CASZ1: variants seen among roughly 807,000 people sequenced by gnomAD.
The protein encoded by CASZ1 is zinc finger protein castor homolog 1.
In CASZ1, 28 loss-of-function variants were observed where a neutral mutation model predicts 135.2. The ratio of observed to expected loss-of-function variants is 0.21; its 90% CI spans 0.15 to 0.28. CASZ1 has a LOEUF of 0.28. Among genes scored for constraint, CASZ1 ranks in the 10% least tolerant of loss-of-function variants. The probability of loss-of-function intolerance (pLI) is 1.00; values close to 1 mark genes in which losing one functional copy is unlikely to be tolerated. For synonymous variants in CASZ1, 1,068 were observed against 1,073.4 expected (o/e 0.99, Z 0.10); for missense variants, 2,161 against 2,453.3 (o/e 0.88, Z 2.52).
In CASZ1 at chr1:10,794,281, C is replaced by T. The variant is rs1005674611; in HGVS notation, c.-234+2283G>A. Among the ~76,000 whole-genome samples, 6 of 152,144 alleles carry T rather than the reference C, an allele frequency of 3.9e-5. No individual in the cohort carries two copies. Among genetic ancestry groups the T allele is most frequent in the Non-Finnish European group, 8.8e-5 (6 of 68,018 alleles). On this transcript the variant is annotated intron_variant, in intron 1 of 20. Transcript: ENST00000377022. The surrounding 1 kb of genome is among the most constrained non-coding windows in gnomAD (Gnocchi z 5.6). ...GTTTTCCAGTCCCCTCGTGCGCTCT[C>T]ACCGCGCGCCTGTACCAGCTCGGAG...
At chr1:10,734,793 A>C (rs1275961097) in intron 2 of CASZ1, among the ~76,000 whole-genome samples, 1 of 152,194 alleles carries the variant, frequency 6.6e-6, no homozygotes, top group Non-Finnish European at 1.5e-5. Flanking sequence ...TTGGGGGTGG[A>C]AGGTGTATGG....
rs1178431805 is a variant in CASZ1 at position 10,650,928 on chromosome 1, G to A, written c.2816+13C>T. The stretch of plus-strand genomic sequence containing the variant: ...GTTCCCGGGGCTGGCTCCCATAGGG[G>A]GCCTCGCCTCACCTGGGCTCCTTCA... On this transcript the variant is annotated intron_variant, in intron 12 of 20. Coordinates refer to ENST00000377022, the MANE Select transcript of CASZ1 (RefSeq NM_001079843.3). 3.7e-6 allele frequency: 6 copies of A among 1,606,342 alleles called. No homozygotes were observed. The highest frequency in any genetic ancestry group is 5.1e-6 in the Non-Finnish European group (6 of 1,178,180).
intron 4 of CASZ1, among the ~76,000 whole-genome samples, chr1:10,680,913 T>G (rs940889899): frequency 6.6e-6 from 1 of 152,186 alleles, no homozygotes; most frequent in Non-Finnish European, 1.5e-5. Flanking sequence ...TTCTTTCTTT[T>G]TTTTGGAGAC....
In CASZ1 at chr1:10,756,890, C is replaced by T. The variant is rs1353778713; in HGVS notation, c.-77+3811G>A. ...TGGAAAAAGGTGTGCAGAAGCTCAG[C>T]CCTTGAGCGCACAGATCACATTCAA... On this transcript the variant is annotated intron_variant, in intron 2 of 20. Coordinates refer to ENST00000377022, the MANE Select transcript of CASZ1 (RefSeq NM_001079843.3). The surrounding 1 kb of genome is among the most constrained non-coding windows in gnomAD (Gnocchi z 5.9). Among the ~76,000 whole-genome samples, 1 of 152,170 alleles carries T rather than the reference C, an allele frequency of 6.6e-6. No homozygotes were observed. Among genetic ancestry groups the T allele is most frequent in the Non-Finnish European group, 1.5e-5 (1 of 68,030 alleles).
chr1:10,639,194 C>G lies in CASZ1; in HGVS notation c.5028G>C (p.Glu1676Asp). 4 of 976,400 alleles carry G rather than the reference C, an allele frequency of 4.1e-6. No individual in the cohort carries two copies. Among genetic ancestry groups the G allele is most frequent in the Non-Finnish European group, 5.0e-6 (4 of 806,476 alleles). 60.5% of individuals were successfully genotyped at this position (976,400 alleles called of 1,614,324 possible). A position where few individuals can be genotyped will look rare whatever the true frequency, so the allele number is the denominator to read the frequency against. The change falls in exon 21 of 21, where the codon GAG becomes GAC. Residue 1676 changes from glutamate to aspartate, a missense_variant. Transcript: ENST00000377022. The surrounding 1 kb of genome is among the most constrained non-coding windows in gnomAD (Gnocchi z 4.0). ...AAAAAGESSQ[E>D]DEEEELELPE... ...GCAGCTCCAGCTCCTCCTCCTCGTC[C>G]TCCTGCGAGGACTCCCCAGCTGCGG...
intron 9 of CASZ1, among the ~76,000 whole-genome samples, chr1:10,654,929 A>C (rs1219099699): frequency 1.3e-5 from 2 of 152,006 alleles, no homozygotes; most frequent in Non-Finnish European, 2.9e-5. Flanking sequence ...CCATGGCCCT[A>C]CCTCTAAAAC....
intron 1 of CASZ1, among the ~76,000 whole-genome samples, chr1:10,761,522 T>G (rs540005480): frequency 5.2e-4 from 79 of 152,262 alleles, no homozygotes; most frequent in African/African-American, 1.8e-3. Flanking sequence ...CTGCTGAGAT[T>G]CAGTTGCGAT....
intron 3 of CASZ1, among the ~76,000 whole-genome samples, chr1:10,696,639 C>T (rs1172564412): frequency 6.6e-6 from 1 of 152,246 alleles, no homozygotes; most frequent in Non-Finnish European, 1.5e-5. Context: ...AATTCTGAGC[C>T]TCTGCTCTCC....
At chr1:10,649,237 G>T (rs374998789) in intron 14 of CASZ1, 45 bp from the exon 15 acceptor site, 40 of 1,608,914 alleles carry the variant, frequency 2.5e-5, no homozygotes, top group Non-Finnish European at 3.1e-5. Context: ...GGGCTCCAGG[G>T]CGGGTGCGGG....
chr1:10,670,651 A>G (rs758644196), intron 4 of CASZ1, among the ~76,000 whole-genome samples: 15 of 152,216 alleles, frequency 9.9e-5, no homozygotes, highest in Non-Finnish European at 1.8e-4. Flanking sequence ...AGACTTGGGA[A>G]TGAACACTTC....
chr1:10,681,092 G>A (rs571907290), intron 4 of CASZ1, among the ~76,000 whole-genome samples: 1 of 152,148 alleles, frequency 6.6e-6, no homozygotes, highest in Non-Finnish European at 1.5e-5. Flanking sequence ...GTAGAGACGG[G>A]GTTTCGCCAT....
rs1638344566 is a variant in CASZ1 at position 10,679,509 on chromosome 1, C to T, written c.17-13938G>A. On this transcript the variant is annotated intron_variant, in intron 4 of 20. Transcript: ENST00000377022. The surrounding 1 kb of genome is among the most constrained non-coding windows in gnomAD (Gnocchi z 4.7). ...GGTGCTACCAAGCAATGTAGCAGCC[C>T]CCACATACTCTGGCATTCTCCTAGG... is the stretch of plus-strand genomic sequence containing the variant. Among the ~76,000 whole-genome samples, 5 of 152,156 alleles carry T rather than the reference C, an allele frequency of 3.3e-5. No individual in the cohort carries two copies. In the South Asian group the frequency reaches 1.0e-3, roughly 32 times the overall value.
chr1:10,656,303 G>A (rs1341993089), intron 8 of CASZ1, among the ~76,000 whole-genome samples: 1 of 152,228 alleles, frequency 6.6e-6, no homozygotes, highest in Non-Finnish European at 1.5e-5. Flanking sequence ...TTAAGATGGG[G>A]CAGTAATGCT....
chr1:10,639,115 C>A lies in CASZ1; in HGVS notation c.5107G>T (p.Asp1703Tyr). 1.7e-6 allele frequency: 2 copies of A among 1,159,984 alleles called. No homozygotes were observed. The highest frequency in any genetic ancestry group is 5.8e-5 in the East Asian group (1 of 17,116). The allele number at this position is 1,159,984 out of a possible 1,614,324, so 71.9% of individuals were successfully genotyped here. The part of the protein sequence containing the change: ...EDEDDDEDDD[D>Y]EDDDEDDDDE... ...TCGTCGTCCTCGTCGTCGTCCTCGT[C>A]GTCGTCGTCCTCGTCGTCGTCCTCG... The change falls in exon 21 of 21, where the codon GAC (aspartate) becomes TAC (tyrosine). Residue 1703 changes from aspartate (D) to tyrosine (Y), a missense_variant. By Grantham distance (160) the Asp-to-Tyr change is radical (BLOSUM62 -3). Around this residue, in one of 7 missense-constraint regions of CASZ1, gnomAD observed 185 missense variants for 134.7 expected, o/e 1.37. Transcript: ENST00000377022. The surrounding 1 kb of genome is among the most constrained non-coding windows in gnomAD (Gnocchi z 4.0).
At chr1:10,653,123 A>G in intron 11 of CASZ1, 1 of 571,546 alleles carries the variant, frequency 1.7e-6, no homozygotes, top group Non-Finnish European at 3.2e-6. Flanking sequence ...CCGAGGAGGC[A>G]GGGACCATCG....
intron 2 of CASZ1, among the ~76,000 whole-genome samples, chr1:10,733,307 G>T (rs1407930333): frequency 6.6e-6 from 1 of 152,136 alleles, no homozygotes. Flanking sequence ...GAAGCTCAGG[G>T]ACACACAGGC....
rs771627967 is a variant in CASZ1, at chr1:10,711,007, T to TGTAA, written c.-76-5467_-76-5464dup. Among the ~76,000 whole-genome samples, 300 of 152,316 alleles carry TGTAA rather than the reference T, an allele frequency of 2.0e-3. No homozygotes were observed. Among genetic ancestry groups the TGTAA allele is most frequent in the Middle Eastern group, 6.8e-3 (2 of 294 alleles). On this transcript the variant is annotated intron_variant, in intron 2 of 20. Transcript: ENST00000377022. This position sits in a 1 kb window ranked among gnomAD's most constrained non-coding sequence, Gnocchi z 4.4. ...TTAGCCGGGTGTGGTGGTGCACGCC[T>TGTAA]GTAATCCCAGCTACTCGGGAGGCTG...
rs976501104 is a variant in CASZ1 at position 10,774,868 on chromosome 1, G to A, written c.-233-14011C>T. Among the ~76,000 whole-genome samples the A allele has an allele frequency of 2.6e-5, 4 of 152,108 alleles. No homozygotes were observed. The highest frequency in any genetic ancestry group is 4.4e-5 in the Non-Finnish European group (3 of 68,020). Reference sequence around the variant, plus strand: ...CAGACAAGGGAATGAATCCCCACGTGTCTCCTGCAACCATCTCTGTTCCAG... The same window carrying A: ...CAGACAAGGGAATGAATCCCCACGTATCTCCTGCAACCATCTCTGTTCCAG... On this transcript the variant is annotated intron_variant, in intron 1 of 20. Transcript: ENST00000377022. This position sits in a 1 kb window ranked among gnomAD's most constrained non-coding sequence, Gnocchi z 4.4.
rs201153974 is a variant in CASZ1, at chr1:10,728,969, TC to T, written c.-76-23426del. Reference sequence around the variant, plus strand: ...CCTGAGAGGTGAAAACAAGAGGCCTTCCCCCCCCACTCTCCGGACAGCTATT... The same window carrying T: ...CCTGAGAGGTGAAAACAAGAGGCCTTCCCCCCCACTCTCCGGACAGCTATT... On this transcript the variant is annotated intron_variant, in intron 2 of 20. Coordinates refer to ENST00000377022, the MANE Select transcript of CASZ1 (RefSeq NM_001079843.3). 1.0e-3 allele frequency among the ~76,000 whole-genome samples: 151 copies of T among 150,970 alleles called. 2 individuals carry two copies. In the East Asian group the frequency reaches 0.012, roughly 12 times the overall value.
Sources: gnomAD v4.1 joint callset for allele counts (sites outside exome capture counted in the v4.1 genomes callset) on GRCh38, gnomAD v4.1.1 for gene constraint, gnomAD v4.1.1 regional missense constraint, Gnocchi (gnomAD v3.1) non-coding constraint, MANE v1.5 for transcripts, NCBI Gene and HGNC (gene_info 2026-07-23, HGNC 2026-07-21) for gene names.